Variants in GDAP1 observed in about 807,000 individuals in gnomAD.
GDAP1 encodes the protein ganglioside induced differentiation associated protein 1, also known as ganglioside-induced differentiation-associated protein 1.
GDAP1 carries 34 observed loss-of-function variants against 40.1 expected under a neutral mutation model. The ratio of observed to expected loss-of-function variants is 0.85; its 90% CI spans 0.64 to 1.13. The LOEUF is 1.13. Among genes scored for constraint, GDAP1 ranks in the 50% most tolerant of loss-of-function variants. The pLI, the probability that GDAP1 is intolerant of heterozygous loss-of-function variation, is 0.00. For synonymous variants in GDAP1, 170 were observed against 157.4 expected, an observed-to-expected ratio of 1.08 and a Z score of -0.60; for missense variants, 374 against 433.7, an observed-to-expected ratio of 0.86 and a Z score of 1.22.
chr8:74,417,612 C>A (rs1330172264), intron 2 of GDAP1, among the ~76,000 whole-genome samples: 1 of 149,462 alleles, frequency 6.7e-6, no homozygotes, highest in East Asian at 1.9e-4. Context: ...CAAAAATTAG[C>A]TGGGTGTGGT....
intron 2 of GDAP1, among the ~76,000 whole-genome samples, chr8:74,358,546 A>G (rs1459504919): frequency 6.6e-6 from 1 of 152,214 alleles, no homozygotes; most frequent in African/African-American, 2.4e-5. Context: ...GAAAACTTAA[A>G]ATATTAGCCT....
At chr8:74,427,124 C>T (rs1309861346) in intron 2 of GDAP1, among the ~76,000 whole-genome samples, 1 of 152,166 alleles carries the variant, frequency 6.6e-6, no homozygotes, top group Non-Finnish European at 1.5e-5. Flanking sequence ...AAGGCTTTTT[C>T]CTCCTGGAAT....
chr8:74,415,662 G>A (rs6472847), intron 2 of GDAP1, among the ~76,000 whole-genome samples: 56,279 of 149,302 alleles, frequency 0.38, 11,905 homozygotes, highest in Middle Eastern at 0.48. Flanking sequence ...CTGATTTAGT[G>A]AGTGATGGGA....
chr8:74,358,944 C>A (rs988214614), intron 2 of GDAP1, among the ~76,000 whole-genome samples: 1 of 152,134 alleles, frequency 6.6e-6, no homozygotes, highest in Non-Finnish European at 1.5e-5. Flanking sequence ...TAAGTTATTG[C>A]AGATATCTTA....
chr8:74,355,745 G>A (rs1258296504), intron 2 of GDAP1, among the ~76,000 whole-genome samples: 1 of 152,034 alleles, frequency 6.6e-6, no homozygotes, highest in Non-Finnish European at 1.5e-5. Context: ...AATAACTCTG[G>A]TAACCTGGAA....
intron 2 of GDAP1, among the ~76,000 whole-genome samples, chr8:74,475,026 A>G (rs188797853): frequency 8.0e-4 from 121 of 152,154 alleles, no homozygotes; most frequent in African/African-American, 2.4e-3. Flanking sequence ...TGTGTCCAGG[A>G]GTTTATCCAT....
At position 74,386,130 on chromosome 8, in the gene GDAP1, T is replaced by G. The variant is rs188123532; in HGVS notation, c.165+34809T>G. On this transcript the variant is annotated intron_variant, in intron 2 of 2. Coordinates refer to the GDAP1 transcript ENST00000523640. ...ATAGACTGCAAATATTTTCTCCCAT[T>G]CTGTAGGTTTCCTGTTCAGTCTGAT... Among the ~76,000 whole-genome samples, 9 of 152,352 alleles carry G rather than the reference T, an allele frequency of 5.9e-5. No homozygotes were observed. The East Asian group carries it at 1.7e-3, about 29-fold the overall frequency.
At position 74,438,997 on chromosome 8, in the gene GDAP1, G is replaced by C. The variant is rs1167951119; in HGVS notation, c.166-49681G>C. Among the ~76,000 whole-genome samples the C allele has an allele frequency of 7.3e-5, 11 of 151,548 alleles. No individual in the cohort carries two copies. The Admixed American group carries it at 7.3e-4, about 10-fold the overall frequency. ...AACATGTGGCTTGTTTTTGCCTTTT[G>C]ATTATGACATACGTGTGTGTATGTG... is the stretch of plus-strand genomic sequence containing the variant. On this transcript the variant is annotated intron_variant, in intron 2 of 2. Coordinates refer to the GDAP1 transcript ENST00000523640.
Position 74,401,738 on chromosome 8 carries a change from G to T in GDAP1, c.165+50417G>T, listed in dbSNP as rs1024509013. 5.3e-5 allele frequency among the ~76,000 whole-genome samples: 8 copies of T among 149,816 alleles called. No homozygotes were observed. In the South Asian group the frequency reaches 1.7e-3, roughly 31 times the overall value. ...GATGTACAGATGGGTTTTTGGTGTGGATGTCCTTTCTGTTTGTTAGTTTTC... is the reference window on the plus strand; with the variant it reads ...GATGTACAGATGGGTTTTTGGTGTGTATGTCCTTTCTGTTTGTTAGTTTTC... On this transcript the variant is annotated intron_variant, in intron 2 of 2. Coordinates refer to the GDAP1 transcript ENST00000523640.
intron 1 of GDAP1, 117 bp from the exon 2 acceptor site, chr8:74,351,157 G>A (rs1808850698): frequency 1.2e-6 from 1 of 815,820 alleles, no homozygotes; most frequent in African/African-American, 1.7e-5. Flanking sequence ...TTGTTAAAAC[G>A]ACTGTTGAAA....
intron 2 of GDAP1, among the ~76,000 whole-genome samples, chr8:74,386,562 G>T (rs1421126087): frequency 6.6e-6 from 1 of 152,138 alleles, no homozygotes; most frequent in Non-Finnish European, 1.5e-5. Flanking sequence ...TTTGGTACCA[G>T]TACCATGCGA....
intron 2 of GDAP1, among the ~76,000 whole-genome samples, chr8:74,415,304 A>G (rs1805764229): frequency 6.7e-6 from 1 of 150,350 alleles, no homozygotes; most frequent in South Asian, 2.1e-4. Context: ...TTTTAACATC[A>G]TTTTAAAACA....
At chr8:74,442,894 A>G (rs1161185597) in intron 2 of GDAP1, among the ~76,000 whole-genome samples, 1 of 152,204 alleles carries the variant, frequency 6.6e-6, no homozygotes, top group East Asian at 1.9e-4. Context: ...GGCAGTCATA[A>G]AAATTCTAGG....
intron 2 of GDAP1, among the ~76,000 whole-genome samples, chr8:74,484,966 A>G (rs749176893): frequency 2.0e-5 from 3 of 152,086 alleles, no homozygotes; most frequent in Non-Finnish European, 4.4e-5. Flanking sequence ...CTTTTCAGCC[A>G]TTCTCAGATT....
intron 2 of GDAP1, among the ~76,000 whole-genome samples, chr8:74,394,451 T>C (rs1483589818): frequency 2.0e-5 from 3 of 152,172 alleles, no homozygotes; most frequent in Non-Finnish European, 2.9e-5. Context: ...TAGAACCTTC[T>C]AGTGGTTGTC....
At chr8:74,443,603 G>A (rs1350366166) in intron 2 of GDAP1, among the ~76,000 whole-genome samples, 1 of 152,074 alleles carries the variant, frequency 6.6e-6, no homozygotes, top group Non-Finnish European at 1.5e-5. Context: ...GAGTTGGAGG[G>A]CAGCATGAAC....
At chr8:74,429,348 A>T (rs1190356806) in intron 2 of GDAP1, among the ~76,000 whole-genome samples, 1 of 152,154 alleles carries the variant, frequency 6.6e-6, no homozygotes, top group African/African-American at 2.4e-5. Flanking sequence ...ATGGCTAATT[A>T]TAGTGATTTA....
At chr8:74,431,996 G>A (rs184510728) in intron 2 of GDAP1, among the ~76,000 whole-genome samples, 53 of 152,210 alleles carry the variant, frequency 3.5e-4, no homozygotes, top group African/African-American at 1.1e-3. Flanking sequence ...GAAGTATTTG[G>A]AGCACATTTT....
Position 74,365,364 on chromosome 8 carries a change from A to T in GDAP1, c.*997A>T. The T allele has an allele frequency of 2.2e-6, 1 of 453,956 alleles. No homozygotes were observed. The highest frequency in any genetic ancestry group is 4.4e-6 in the Non-Finnish European group (1 of 226,772). The allele number at this position is 453,956 out of a possible 1,614,324, so 28.1% of individuals were successfully genotyped here. A position where few individuals can be genotyped will look rare whatever the true frequency, so the allele number is the denominator to read the frequency against. Reference sequence around the variant, plus strand: ...TAGGGAAGATGAATTAAATGGGTAGATAGTGATGCATACCTGTATTCACTG... The same window carrying T: ...TAGGGAAGATGAATTAAATGGGTAGTTAGTGATGCATACCTGTATTCACTG... On this transcript the variant is annotated 3_prime_UTR_variant, in exon 6 of 6. Coordinates refer to ENST00000220822, the MANE Select transcript of GDAP1 (RefSeq NM_018972.4).
Sources: allele counts gnomAD v4.1 joint callset (sites outside exome capture counted in the v4.1 genomes callset), GRCh38; gene constraint gnomAD v4.1.1; transcripts MANE v1.5; gene names NCBI Gene and HGNC (gene_info 2026-07-23, HGNC 2026-07-21).